RIT2: variants seen among roughly 807,000 people sequenced by gnomAD.
RIT2 encodes the protein Ras like without CAAX 2.
In RIT2, 24 loss-of-function variants were observed where a neutral mutation model predicts 23.7. The ratio of observed to expected loss-of-function variants is 1.01; its 90% CI spans 0.73 to 1.43. RIT2 has a LOEUF of 1.43. Among genes scored for constraint, RIT2 ranks in the 40% most tolerant of loss-of-function variants. The pLI is 0.00. For missense variants in RIT2, 236 were observed against 266.9 expected (o/e 0.88, Z 0.81); for synonymous variants, 107 against 91.1 (o/e 1.17, Z -0.99).
At chr18:43,030,617 T>C (rs577541815) in intron 2 of RIT2, among the ~76,000 whole-genome samples, 3 of 152,114 alleles carry the variant, frequency 2.0e-5, no homozygotes, top group Non-Finnish European at 4.4e-5. Context: ...AAACCAATTT[T>C]AAAACAAGTC....
At chr18:42,994,163 T>C (rs1598741822) in intron 2 of RIT2, among the ~76,000 whole-genome samples, 1 of 152,144 alleles carries the variant, frequency 6.6e-6, no homozygotes. Flanking sequence ...GCACCCTTCA[T>C]CCCAGCCTCT....
chr18:42,805,235 A>G lies in RIT2; in HGVS notation c.427-61515T>C, dbSNP rs558933466. On this transcript the variant is annotated intron_variant, in intron 4 of 4. Transcript: ENST00000326695. ...ACTTTTTATGAAAAATAAATTTTCTAAAACAGAGCAAATTTGTGAGAACAG... is the reference window on the plus strand; with the variant it reads ...ACTTTTTATGAAAAATAAATTTTCTGAAACAGAGCAAATTTGTGAGAACAG... Among the ~76,000 whole-genome samples, 487 of 152,350 alleles carry G rather than the reference A, an allele frequency of 3.2e-3. 3 individuals carry two copies. The highest frequency in any genetic ancestry group is 6.0e-3 in the Non-Finnish European group (407 of 68,032).
intron 1 of RIT2, among the ~76,000 whole-genome samples, chr18:43,070,552 A>T (rs1912874985): frequency 6.6e-6 from 1 of 152,230 alleles, no homozygotes; most frequent in Non-Finnish European, 1.5e-5. Flanking sequence ...GCTAAGAATC[A>T]CATTTGTTCG....
At chr18:42,982,888 G>T (rs1421716182) in intron 2 of RIT2, among the ~76,000 whole-genome samples, 2 of 151,892 alleles carry the variant, frequency 1.3e-5, no homozygotes, top group African/African-American at 4.8e-5. Flanking sequence ...GCATAATAAA[G>T]ATGTTCATTC....
rs1910424025 is a variant in RIT2, at chr18:42,974,088, C to T, written c.220G>A (p.Asp74Asn). ...ACATCACCTACCTGGCCAGCAGTGT[C>T]CAAGATGTCCAAGTAAGCTGGCTCA... ...DNEPAYLDIL[D>N]TAGQAEFTAM... Residue 74 changes from aspartate to asparagine, a missense_variant, in exon 3 of 5, where the codon GAC becomes AAC. Physicochemically the swap from Asp to Asn is conservative, Grantham distance 23. Coordinates refer to ENST00000326695, the MANE Select transcript of RIT2 (RefSeq NM_002930.4). The T allele has an allele frequency of 1.2e-6, 2 of 1,611,038 alleles. No homozygotes were observed. The highest frequency in any genetic ancestry group is 1.7e-6 in the Non-Finnish European group (2 of 1,178,074).
At chr18:43,094,092 A>G (rs1913488968) in intron 1 of RIT2, among the ~76,000 whole-genome samples, 1 of 145,444 alleles carries the variant, frequency 6.9e-6, no homozygotes, top group South Asian at 2.2e-4. Context: ...CATGAAGAAC[A>G]TTTCAAAATT....
chr18:42,747,115 G>T (rs1211876631), intron 4 of RIT2, among the ~76,000 whole-genome samples: 1 of 151,880 alleles, frequency 6.6e-6, no homozygotes, highest in African/African-American at 2.4e-5. Flanking sequence ...TAAAACTGAT[G>T]CAGTTTCCTG....
chr18:42,759,758 C>T (rs985151016), intron 4 of RIT2, among the ~76,000 whole-genome samples: 5 of 100,118 alleles, frequency 5.0e-5, no homozygotes, highest in East Asian at 2.8e-4. Flanking sequence ...CACACACATA[C>T]GGATATATAT....
chr18:42,932,886 C>A (rs1909361444), intron 3 of RIT2, among the ~76,000 whole-genome samples: 1 of 151,830 alleles, frequency 6.6e-6, no homozygotes, highest in Non-Finnish European at 1.5e-5. Context: ...ACAAACCCAG[C>A]CTTTATTGAG....
At chr18:42,854,888 T>A (rs1907143101) in intron 4 of RIT2, among the ~76,000 whole-genome samples, 1 of 152,174 alleles carries the variant, frequency 6.6e-6, no homozygotes. Flanking sequence ...ATCACACAAC[T>A]ACTACCCAGA....
intron 4 of RIT2, among the ~76,000 whole-genome samples, chr18:42,772,806 C>T (rs1913582132): frequency 6.6e-6 from 1 of 152,114 alleles, no homozygotes; most frequent in Non-Finnish European, 1.5e-5. Flanking sequence ...CAGCCTCACC[C>T]CCGAAACTCT....
intron 2 of RIT2, among the ~76,000 whole-genome samples, chr18:43,009,927 A>C (rs934093114): frequency 4.6e-5 from 7 of 151,670 alleles, no homozygotes; most frequent in African/African-American, 1.7e-4. Context: ...CCACTCTGTC[A>C]TGTTCCCCTT....
intron 3 of RIT2, among the ~76,000 whole-genome samples, chr18:42,952,527 A>G (rs1909876116): frequency 6.6e-6 from 1 of 152,108 alleles, no homozygotes; most frequent in African/African-American, 2.4e-5. Context: ...GGTAAATTTT[A>G]CATTAAGTGT....
chr18:42,749,180 T>A (rs1912987518), intron 4 of RIT2, among the ~76,000 whole-genome samples: 1 of 151,896 alleles, frequency 6.6e-6, no homozygotes, highest in African/African-American at 2.4e-5. Context: ...AAAACTCTAC[T>A]AAATTCTCAA....
chr18:42,813,238 T>C (rs1357870788), intron 4 of RIT2, among the ~76,000 whole-genome samples: 1 of 152,218 alleles, frequency 6.6e-6, no homozygotes, highest in Non-Finnish European at 1.5e-5. Flanking sequence ...ATAGGTTCTC[T>C]TATTAAAATA....
At chr18:42,905,845 T>C (rs147949704) in intron 4 of RIT2, among the ~76,000 whole-genome samples, 555 of 149,682 alleles carry the variant, frequency 3.7e-3, no homozygotes, top group Non-Finnish European at 6.1e-3. Context: ...ATAAAACTGA[T>C]GAGATAAAAC....
intron 4 of RIT2, among the ~76,000 whole-genome samples, chr18:42,792,572 C>G (rs1914067837): frequency 6.6e-6 from 1 of 152,102 alleles, no homozygotes; most frequent in Non-Finnish European, 1.5e-5. Context: ...TATTCATTCT[C>G]TAATTTAATC....
chr18:42,970,046 A>C (rs1384245589), intron 3 of RIT2, among the ~76,000 whole-genome samples: 2 of 152,098 alleles, frequency 1.3e-5, no homozygotes, highest in African/African-American at 4.8e-5. Flanking sequence ...CCATAAAAAA[A>C]GTGAAATAAG....
At chr18:43,064,460 A>G (rs1182683838) in intron 1 of RIT2, among the ~76,000 whole-genome samples, 2 of 152,176 alleles carry the variant, frequency 1.3e-5, no homozygotes, top group Non-Finnish European at 2.9e-5. Flanking sequence ...TAAGCAATAC[A>G]CATTTCACTC....
Sources: gnomAD v4.1 joint callset for allele counts (sites outside exome capture counted in the v4.1 genomes callset) on GRCh38, gnomAD v4.1.1 for gene constraint, MANE v1.5 for transcripts, NCBI Gene and HGNC (gene_info 2026-07-23, HGNC 2026-07-21) for gene names.